The following BET1 variants were observed in gnomAD, a reference collection of about 807,000 sequenced individuals.
The protein encoded by BET1 is BET1 homolog.
A neutral mutation model predicts 13.9 loss-of-function variants in BET1; 9 were observed. The ratio of observed to expected loss-of-function variants is 0.65; its 90% CI spans 0.39 to 1.13. The LOEUF is 1.13. Ranked by LOEUF, BET1 falls within the 50% of genes most tolerant of loss-of-function variation. The probability of loss-of-function intolerance (pLI) is 0.01; values close to 1 mark genes in which losing one functional copy is unlikely to be tolerated. For synonymous variants in BET1, 39 were observed against 47.3 expected (o/e 0.82, Z 0.72); for missense variants, 127 against 133.6 (o/e 0.95, Z 0.24).
rs77606521 is a variant in BET1 at position 94,000,240 on chromosome 7, G to A, written c.20-946C>T. On this transcript the variant is annotated intron_variant, in intron 1 of 3. Coordinates refer to ENST00000222547, the MANE Select transcript of BET1 (RefSeq NM_005868.6). ...CTGCCTCAGCCTCCCGAGCAGCTGG[G>A]ACTACAGGTGCCCGCCATCACACCT... 1,990 of 151,888 alleles carry A rather than the reference G, an allele frequency of 0.013. 201 individuals are homozygous for A. In the East Asian group the frequency reaches 0.28, roughly 21 times the overall value. The allele number at this position is 151,888 out of a possible 1,614,324, so 9.4% of individuals were successfully genotyped here. A position where few individuals can be genotyped will look rare whatever the true frequency, so the allele number is the denominator to read the frequency against.
At chr7:93,998,608 G>C (rs1181782857) in intron 2 of BET1, among the ~76,000 whole-genome samples, 1 of 151,920 alleles carries the variant, frequency 6.6e-6, no homozygotes, top group Admixed American at 6.6e-5. Flanking sequence ...CTGAGACAGG[G>C]GGATTGCTTT....
rs2116113085 is a variant in BET1, at chr7:93,994,025, T to C, written c.*205A>G. ...CACACCCTCTCACTACCCCTGAAAA[T>C]AGGGGCTAAAATGAGTCATTAAGAA... On this transcript the variant is annotated 3_prime_UTR_variant, in exon 4 of 4. Transcript: ENST00000222547. 5 of 1,494,104 alleles carry C rather than the reference T, an allele frequency of 3.3e-6. No individual in the cohort carries two copies. The highest frequency in any genetic ancestry group is 2.3e-5 in the Admixed American group (1 of 44,362). 92.6% of individuals were successfully genotyped at this position (1,494,104 alleles called of 1,614,324 possible).
downstream of BET1, chr7:93,992,448 C>T: frequency 1.0e-6 from 1 of 985,256 alleles, no homozygotes; most frequent in Non-Finnish European, 1.2e-6. Context: ...ATTTTTAAGT[C>T]ATTTTCTTTG....
At chr7:93,968,923 C>T (rs894102917) in intron 6 of BET1, among the ~76,000 whole-genome samples, 1 of 151,790 alleles carries the variant, frequency 6.6e-6, no homozygotes, top group African/African-American at 2.4e-5. Context: ...GATCTGTGTT[C>T]TTTTCAATGT....
chr7:94,000,830 T>C (rs1471482592), intron 1 of BET1, among the ~76,000 whole-genome samples: 1 of 152,140 alleles, frequency 6.6e-6, no homozygotes, highest in African/African-American at 2.4e-5. Context: ...AAAGGAATGA[T>C]ATCAAAACTA....
chr7:93,993,627 T>C lies in BET1; in HGVS notation c.*603A>G. On this transcript the variant is annotated 3_prime_UTR_variant, in exon 4 of 4. Coordinates refer to ENST00000222547, the MANE Select transcript of BET1 (RefSeq NM_005868.6). Reference sequence around the variant, plus strand: ...TGTGCAATGGGCCCTACCAGAAATATGCCAAAATAACAAGTTTTATTTAAA... The same window carrying C: ...TGTGCAATGGGCCCTACCAGAAATACGCCAAAATAACAAGTTTTATTTAAA... The C allele has an allele frequency of 7.9e-7, 1 of 1,267,882 alleles. No homozygotes were observed. The highest frequency in any genetic ancestry group is 2.6e-5 in the South Asian group (1 of 37,806). The allele number at this position is 1,267,882 out of a possible 1,614,324, so 78.5% of individuals were successfully genotyped here.
intron 4 of BET1, among the ~76,000 whole-genome samples, chr7:93,979,189 T>C (rs1795387484): frequency 6.6e-6 from 1 of 152,128 alleles, no homozygotes; most frequent in African/African-American, 2.4e-5. Context: ...CTTTGGCTTC[T>C]GGAGTGGGAA....
intron 2 of BET1, 73 bp downstream of exon 2, chr7:93,999,097 G>A: frequency 5.8e-6 from 7 of 1,197,086 alleles, no homozygotes; most frequent in Non-Finnish European, 7.8e-6. Flanking sequence ...ACGTCAATAA[G>A]AATATATAGT....
At chr7:93,992,469 CTT>C, downstream of BET1, 1 of 985,268 alleles carries the variant, frequency 1.0e-6, no homozygotes, top group African/African-American at 1.7e-5. Flanking sequence ...GCCTTCTGCT[CTT>C]CCCGTTTTTC....
chr7:93,985,019 T>C (rs930427725), intron 4 of BET1, among the ~76,000 whole-genome samples: 8 of 152,178 alleles, frequency 5.3e-5, no homozygotes, highest in Non-Finnish European at 7.3e-5. Flanking sequence ...TCACTCTATA[T>C]TTTGAAAATT....
At chr7:93,970,637 G>A (rs1795246411) in intron 6 of BET1, among the ~76,000 whole-genome samples, 1 of 151,594 alleles carries the variant, frequency 6.6e-6, no homozygotes, top group African/African-American at 2.4e-5. Context: ...CCAAAAATGG[G>A]AATAGTGCTC....
intron 4 of BET1, among the ~76,000 whole-genome samples, chr7:93,983,740 C>T (rs954103799): frequency 7.2e-5 from 11 of 151,954 alleles, no homozygotes; most frequent in Admixed American, 5.3e-4. Context: ...CAATTCAATT[C>T]TTCAGTCATG....
At position 94,004,332 on chromosome 7, in the gene BET1, C is replaced by T. The variant is rs1211723434; in HGVS notation, c.-116G>A. On this transcript the variant is annotated 5_prime_UTR_variant, in exon 1 of 4. Transcript: ENST00000222547. The stretch of plus-strand genomic sequence containing the variant: ...GGGCCCAGCGAAACACCAACTTCTT[C>T]CCCTAAAGCGCCACGACATCAGTGG... 26 of 1,415,854 alleles carry T rather than the reference C, an allele frequency of 1.8e-5. No individual in the cohort carries two copies. In the East Asian group the frequency reaches 5.3e-4, roughly 29 times the overall value. The allele number at this position is 1,415,854 out of a possible 1,614,324, so 87.7% of individuals were successfully genotyped here. A position where few individuals can be genotyped will look rare whatever the true frequency, so the allele number is the denominator to read the frequency against.
At chr7:93,980,158 A>T (rs1795402951) in intron 4 of BET1, among the ~76,000 whole-genome samples, 1 of 152,178 alleles carries the variant, frequency 6.6e-6, no homozygotes, top group Non-Finnish European at 1.5e-5. Flanking sequence ...CAACAAAGAA[A>T]AGCCCAGGAC....
intron 1 of BET1, among the ~76,000 whole-genome samples, chr7:93,999,972 C>A (rs1266756544): frequency 6.6e-6 from 1 of 152,132 alleles, no homozygotes; most frequent in African/African-American, 2.4e-5. Flanking sequence ...AGAATGTACA[C>A]CTCCCTGCCT....
At chr7:93,964,250 T>C (rs931245963) in exon 7 of BET1, 6 of 151,954 alleles carry the variant, frequency 3.9e-5, no homozygotes, top group Non-Finnish European at 8.8e-5. Flanking sequence ...AATAGCTAGT[T>C]TTTCAACCCA....
intron 2 of BET1, among the ~76,000 whole-genome samples, chr7:93,996,544 T>A (rs6962800): frequency 1.3e-5 from 2 of 151,816 alleles, no homozygotes; most frequent in African/African-American, 4.8e-5. Context: ...CTCTTTATTT[T>A]AATTTCATCT....
At chr7:93,970,937 A>G (rs1398061191) in intron 6 of BET1, among the ~76,000 whole-genome samples, 1 of 151,796 alleles carries the variant, frequency 6.6e-6, no homozygotes, top group African/African-American at 2.4e-5. Context: ...GACACAGATG[A>G]AACAAATATA....
chr7:93,998,361 G>A (rs182228629), intron 2 of BET1, among the ~76,000 whole-genome samples: 6 of 152,268 alleles, frequency 3.9e-5, no homozygotes, highest in Non-Finnish European at 5.9e-5. Context: ...CAAAAAAACA[G>A]GAACAGATAG....
Sources: allele counts gnomAD v4.1 joint callset (sites outside exome capture counted in the v4.1 genomes callset), GRCh38; gene constraint gnomAD v4.1.1; transcripts MANE v1.5; gene names NCBI Gene and HGNC (gene_info 2026-07-23, HGNC 2026-07-21).